TGM5: variants seen among roughly 807,000 people sequenced by gnomAD.
TGM5 encodes the protein protein-glutamine gamma-glutamyltransferase 5.
A neutral mutation model predicts 77.2 loss-of-function variants in TGM5; 69 were observed. That is an observed-to-expected ratio of 0.89 (90% CI 0.74 to 1.09). The LOEUF is 1.09. TGM5 is among the 50% of genes least tolerant of loss of function. The pLI is 0.00. For synonymous variants in TGM5, 346 were observed against 351.8 expected (o/e 0.98, Z 0.18); for missense variants, 842 against 896.5 (o/e 0.94, Z 0.78).
intron 4 of TGM5, among the ~76,000 whole-genome samples, chr15:43,255,937 T>C (rs1020888196): frequency 6.6e-6 from 1 of 152,220 alleles, no homozygotes; most frequent in Non-Finnish European, 1.5e-5. Flanking sequence ...ACCAAGCTGG[T>C]GATGGTGCTT....
chr15:43,233,597 T>C lies in TGM5; in HGVS notation c.1966A>G (p.Thr656Ala). 1 of 1,614,172 alleles carries C rather than the reference T, an allele frequency of 6.2e-7. No individual in the cohort carries two copies. Among genetic ancestry groups the C allele is most frequent in the South Asian group, 1.1e-5 (1 of 91,076 alleles). ...TTGAAGAGGCCACTTCCTTCCACAG[T>C]CAGCACACAGTCCTCAACCTGCTCC... is the stretch of plus-strand genomic sequence containing the variant. The part of the protein sequence containing the change: ...LSEQVEDCVL[T>A]VEGSGLFKKQ... Residue 656 changes from threonine (T) to alanine (A), a missense_variant, in exon 12 of 13, where the codon ACT becomes GCT. Physicochemically the swap from Thr to Ala is moderately conservative, Grantham distance 58. Coordinates refer to ENST00000220420, the MANE Select transcript of TGM5 (RefSeq NM_201631.4).
At position 43,261,060 on chromosome 15, in the gene TGM5, C is replaced by CTTTTTTTTTTTTTT. The variant is rs199676346; in HGVS notation, c.11-482_11-481insAAAAAAAAAAAAAA. Among the ~76,000 whole-genome samples the CTTTTTTTTTTTTTT allele has an allele frequency of 7.7e-5, 7 of 90,614 alleles. 1 individual carries two copies. The highest frequency in any genetic ancestry group is 3.2e-4 in the African/African-American group (5 of 15,780). 59.4% of individuals were successfully genotyped at this position (90,614 alleles called of 152,430 possible). On this transcript the variant is annotated intron_variant, in intron 1 of 12. Coordinates refer to ENST00000220420, the MANE Select transcript of TGM5 (RefSeq NM_201631.4). ...TAACTCCTTGGGCTAGCTGCTCTTC[C>CTTTTTTTTTTTTTT]TTTTTTTGTGTGTGTGTTTTTTTTT...
chr15:43,233,060 T>G lies in TGM5; in HGVS notation c.*131A>C. 8.9e-7 allele frequency: 1 copy of G among 1,128,944 alleles called. No homozygotes were observed. The allele number at this position is 1,128,944 out of a possible 1,614,324, so 69.9% of individuals were successfully genotyped here. The stretch of plus-strand genomic sequence containing the variant: ...TCAGGAGAGACAGAAAATGAACACG[T>G]CATCCCCTCTGTGGCTCTTGCTGGA... On this transcript the variant is annotated 3_prime_UTR_variant, in exon 13 of 13. Coordinates refer to ENST00000220420, the MANE Select transcript of TGM5 (RefSeq NM_201631.4).
In TGM5 at chr15:43,259,982, C is replaced by A; in HGVS notation, c.436+70G>T. 4 of 1,609,762 alleles carry A rather than the reference C, an allele frequency of 2.5e-6. 1 individual carries two copies. The highest frequency in any genetic ancestry group is 3.4e-6 in the Non-Finnish European group (4 of 1,179,604). On this transcript the variant is annotated intron_variant, in intron 3 of 12. Transcript: ENST00000220420. Reference sequence around the variant, plus strand: ...TGGCCCGGGAGCGGGGTCTAGAAACCCTTGAGCCTGTCTCTCTGGCAGCAC... The same window carrying A: ...TGGCCCGGGAGCGGGGTCTAGAAACACTTGAGCCTGTCTCTCTGGCAGCAC...
At chr15:43,250,645 C>T (rs1220686024) in intron 6 of TGM5, among the ~76,000 whole-genome samples, 1 of 152,172 alleles carries the variant, frequency 6.6e-6, no homozygotes, top group Non-Finnish European at 1.5e-5. Flanking sequence ...TTAATTTTAA[C>T]TTTGGTTGAA....
chr15:43,256,725 A>G, intron 3 of TGM5, 39 bp from the exon 4 acceptor site: 2 of 1,442,000 alleles, frequency 1.4e-6, no homozygotes, highest in Non-Finnish European at 2.0e-6. Context: ...CAGAAAAGTC[A>G]CCTTTCCCTT....
intron 10 of TGM5, 116 bp downstream of exon 10, chr15:43,235,353 G>T: frequency 7.1e-7 from 1 of 1,411,126 alleles, no homozygotes; most frequent in Non-Finnish European, 9.9e-7. Flanking sequence ...CGTGCCAGAG[G>T]GGACAGTAGA....
intron 6 of TGM5, among the ~76,000 whole-genome samples, chr15:43,246,917 CCA>C (rs1222330965): frequency 1.3e-5 from 2 of 152,044 alleles, no homozygotes; most frequent in Admixed American, 1.3e-4. Context: ...TGCTCTGGAG[CCA>C]TCATAACAAA....
At chr15:43,248,454 G>A (rs1318339405) in intron 6 of TGM5, among the ~76,000 whole-genome samples, 1 of 152,202 alleles carries the variant, frequency 6.6e-6, no homozygotes, top group Non-Finnish European at 1.5e-5. Context: ...TTACAGGCAT[G>A]AGCCACTGCA....
intron 6 of TGM5, among the ~76,000 whole-genome samples, chr15:43,249,366 C>G (rs1354230788): frequency 6.6e-6 from 1 of 152,218 alleles, no homozygotes. Context: ...TCTTTACTGT[C>G]TAACTCCAAA....
chr15:43,259,314 A>AG (rs997145362), intron 3 of TGM5, among the ~76,000 whole-genome samples: 13 of 150,932 alleles, frequency 8.6e-5, no homozygotes, highest in Non-Finnish European at 1.8e-4. Context: ...AAGAAGAAGA[A>AG]AAAAAAAAAC....
intron 9 of TGM5, among the ~76,000 whole-genome samples, chr15:43,236,763 TC>T (rs1266488980): frequency 6.6e-6 from 1 of 151,998 alleles, no homozygotes; most frequent in Non-Finnish European, 1.5e-5. Flanking sequence ...GGTCTGGAGT[TC>T]GAGACCAGCC....
intron 9 of TGM5, 74 bp from the exon 10 acceptor site, chr15:43,235,911 C>T: frequency 1.3e-6 from 2 of 1,594,470 alleles, no homozygotes; most frequent in Non-Finnish European, 1.7e-6. Context: ...GCGCCATCCC[C>T]CACCCAATAT....
At chr15:43,264,502 ACAGT>A (rs1428311250) in intron 1 of TGM5, among the ~76,000 whole-genome samples, 1 of 152,208 alleles carries the variant, frequency 6.6e-6, no homozygotes, top group African/African-American at 2.4e-5. Flanking sequence ...CTAAGTGAAA[ACAGT>A]CAGACATAAA....
At position 43,266,897 on chromosome 15, in the gene TGM5, G is replaced by T. The variant is rs183918087; in HGVS notation, c.-48C>A. 1.2e-6 allele frequency: 2 copies of T among 1,613,140 alleles called. No homozygotes were observed. Among genetic ancestry groups the T allele is most frequent in the African/African-American group, 1.3e-5 (1 of 74,904 alleles). On this transcript the variant is annotated 5_prime_UTR_variant, in exon 1 of 13. Coordinates refer to ENST00000220420, the MANE Select transcript of TGM5 (RefSeq NM_201631.4). ...GATGCTCCCCACAGAACAGCTGGGC[G>T]GTCTGGAGCTTCAGCAAACTGGTGC...
chr15:43,253,564 G>A lies in TGM5; in HGVS notation c.626C>T (p.Ala209Val). ...GCTTCCCCGCAGAGCACAGTCTGTG[G>A]CTGGGTCAGTCTGGAAGTGCAGGCT... ...DKSLHFQTDP[A>V]TDCALRGSPV... The change falls in exon 5 of 13, where the codon GCC becomes GTC. Residue 209 changes from alanine (A) to valine (V), a missense_variant. Around this residue, in one of 2 missense-constraint regions of TGM5, gnomAD observed 815 missense variants for 844.6 expected, o/e 0.96. Coordinates refer to ENST00000220420, the MANE Select transcript of TGM5 (RefSeq NM_201631.4). 1.9e-6 allele frequency: 3 copies of A among 1,613,810 alleles called. No individual in the cohort carries two copies. Among genetic ancestry groups the A allele is most frequent in the Non-Finnish European group, 1.7e-6 (2 of 1,180,032 alleles).
At position 43,252,841 on chromosome 15, in the gene TGM5, G is replaced by A; in HGVS notation, c.780C>T (p.Ala260=). The part of the protein sequence containing the change: ...ANPAEWTGSV[A]ILKQWNATGC... Reference sequence around the variant, plus strand: ...CTGTGGCGTTCCACTGCTTCAGGATGGCCACGCTGCCCGTCCACTCCGCAG... The same window carrying A: ...CTGTGGCGTTCCACTGCTTCAGGATAGCCACGCTGCCCGTCCACTCCGCAG... The change falls in exon 6 of 13, where the codon GCC becomes GCT. Residue 260 remains alanine, a synonymous_variant. Transcript: ENST00000220420. 6.2e-7 allele frequency: 1 copy of A among 1,614,014 alleles called. No individual in the cohort carries two copies. The highest frequency in any genetic ancestry group is 8.5e-7 in the Non-Finnish European group (1 of 1,180,026).
Position 43,255,121 on chromosome 15 carries a change from C to T in TGM5, c.555+1447G>A, listed in dbSNP as rs540892898. Among the ~76,000 whole-genome samples, 3 of 152,072 alleles carry T rather than the reference C, an allele frequency of 2.0e-5. No individual in the cohort carries two copies. In the East Asian group the frequency reaches 5.8e-4, roughly 29 times the overall value. On this transcript the variant is annotated intron_variant, in intron 4 of 12. Transcript: ENST00000220420. ...GGCCGAGACGGGAGGATCATTTGAG[C>T]CCAGGAGTTTGAGACCAGCCTGGGC...
chr15:43,253,793 G>T, intron 4 of TGM5, 159 bp from the exon 5 acceptor site: 2 of 1,021,372 alleles, frequency 2.0e-6, no homozygotes, highest in East Asian at 2.5e-5. Context: ...TCAGGTGTGG[G>T]GTTTCAAAAC....
Sources: gnomAD v4.1 joint callset for allele counts (sites outside exome capture counted in the v4.1 genomes callset) on GRCh38, gnomAD v4.1.1 for gene constraint, gnomAD v4.1.1 regional missense constraint, MANE v1.5 for transcripts, NCBI Gene and HGNC (gene_info 2026-07-23, HGNC 2026-07-21) for gene names.